Variants in HS6ST3 observed in about 807,000 individuals in gnomAD.
The protein encoded by HS6ST3 is heparan-sulfate 6-O-sulfotransferase 3.
Under a neutral mutation model 36.7 loss-of-function variants are expected in HS6ST3, and 12 were observed. The ratio of observed to expected loss-of-function variants is 0.33; its 90% CI spans 0.21 to 0.53. HS6ST3 has a LOEUF of 0.53. Among genes scored for constraint, HS6ST3 ranks in the 20% least tolerant of loss-of-function variants. The pLI, the probability that HS6ST3 is intolerant of heterozygous loss-of-function variation, is 0.95. For missense variants in HS6ST3, 584 were observed against 640.9 expected (o/e 0.91, Z 0.96); for synonymous variants, 240 against 257.5 (o/e 0.93, Z 0.65).
chr13:96,123,096 G>C (rs2053934120), intron 1 of HS6ST3, among the ~76,000 whole-genome samples: 1 of 151,996 alleles, frequency 6.6e-6, no homozygotes, highest in Non-Finnish European at 1.5e-5. Context: ...CATCTATTCT[G>C]TCTTCAACAT....
At chr13:96,524,279 A>G (rs899374154) in intron 1 of HS6ST3, among the ~76,000 whole-genome samples, 7 of 151,944 alleles carry the variant, frequency 4.6e-5, no homozygotes, top group Admixed American at 6.6e-5. Context: ...GTTGGCCCCA[A>G]CTGGGAGATG....
intron 1 of HS6ST3, among the ~76,000 whole-genome samples, chr13:96,813,870 C>G (rs1251316745): frequency 1.3e-5 from 2 of 152,234 alleles, no homozygotes; most frequent in Non-Finnish European, 2.9e-5. Flanking sequence ...TCTTACATTT[C>G]TAGTCCTTAA....
intron 1 of HS6ST3, among the ~76,000 whole-genome samples, chr13:96,633,295 G>T (rs2056538231): frequency 6.6e-6 from 1 of 152,164 alleles, no homozygotes; most frequent in Non-Finnish European, 1.5e-5. Context: ...GTCTCAGCTT[G>T]TTTCGGGAAC....
At chr13:96,430,463 C>T (rs530469355) in intron 1 of HS6ST3, among the ~76,000 whole-genome samples, 46 of 152,162 alleles carry the variant, frequency 3.0e-4, no homozygotes, top group Admixed American at 7.9e-4. Context: ...CTGTCTGGCC[C>T]TCCATTCCGC....
In HS6ST3 at chr13:96,838,112, T is replaced by C. The variant is rs1420781750; in HGVS notation, c.*4914T>C. On this transcript the variant is annotated 3_prime_UTR_variant, in exon 2 of 2. Coordinates refer to ENST00000376705, the MANE Select transcript of HS6ST3 (RefSeq NM_153456.4). ...ATTTAGAGATGGGGGTTAGGGAGAG[T>C]AGGAGTAACTCTAGAGAAAATTGTG... 1 of 151,880 alleles carries C rather than the reference T, an allele frequency of 6.6e-6. No homozygotes were observed. Among genetic ancestry groups the C allele is most frequent in the Non-Finnish European group, 1.5e-5 (1 of 67,962 alleles). The allele number at this position is 151,880 out of a possible 1,614,324, so 9.4% of individuals were successfully genotyped here.
intron 1 of HS6ST3, among the ~76,000 whole-genome samples, chr13:96,609,116 CCCG>C (rs2056448853): frequency 6.6e-6 from 1 of 150,962 alleles, no homozygotes; most frequent in Non-Finnish European, 1.5e-5. Flanking sequence ...ACTATAGGCG[CCCG>C]CCACCACGCC....
chr13:96,289,729 A>G (rs2054820416), intron 1 of HS6ST3, among the ~76,000 whole-genome samples: 1 of 152,190 alleles, frequency 6.6e-6, no homozygotes, highest in South Asian at 2.1e-4. Context: ...AAAATATTTG[A>G]GTATGGCAGA....
At chr13:96,700,204 G>T (rs530871078) in intron 1 of HS6ST3, among the ~76,000 whole-genome samples, 1 of 152,250 alleles carries the variant, frequency 6.6e-6, no homozygotes, top group Non-Finnish European at 1.5e-5. Context: ...AGCTGGGGAG[G>T]CCCCACAATC....
intron 1 of HS6ST3, among the ~76,000 whole-genome samples, chr13:96,414,099 T>C (rs2055521398): frequency 6.6e-6 from 1 of 152,198 alleles, no homozygotes; most frequent in African/African-American, 2.4e-5. Flanking sequence ...TTGCTGACTT[T>C]GTTACAGTTC....
intron 1 of HS6ST3, among the ~76,000 whole-genome samples, chr13:96,688,383 T>C (rs1376435511): frequency 6.6e-6 from 1 of 151,928 alleles, no homozygotes; most frequent in Admixed American, 6.6e-5. Flanking sequence ...ATTTTGATAG[T>C]GGGATTTATG....
intron 1 of HS6ST3, among the ~76,000 whole-genome samples, chr13:96,507,966 G>A (rs2056033295): frequency 6.6e-6 from 1 of 152,028 alleles, no homozygotes; most frequent in Admixed American, 6.6e-5. Context: ...AGTGTCTAAG[G>A]TTAAAAATAA....
In HS6ST3 at chr13:96,298,057, A is replaced by G. The variant is rs547625873; in HGVS notation, c.707+206488A>G. 1.6e-4 allele frequency among the ~76,000 whole-genome samples: 24 copies of G among 152,314 alleles called. No homozygotes were observed. In the East Asian group the frequency reaches 4.6e-3, roughly 29 times the overall value. Reference sequence around the variant, plus strand: ...AAAAACCTGTTGTTTTGGCTCTTCCATGAATGAATTCTGGATTAGGATGGG... The same window carrying G: ...AAAAACCTGTTGTTTTGGCTCTTCCGTGAATGAATTCTGGATTAGGATGGG... On this transcript the variant is annotated intron_variant, in intron 1 of 1. Coordinates refer to ENST00000376705, the MANE Select transcript of HS6ST3 (RefSeq NM_153456.4).
chr13:96,123,587 AG>A (rs2053936734), intron 1 of HS6ST3, among the ~76,000 whole-genome samples: 1 of 152,150 alleles, frequency 6.6e-6, no homozygotes, highest in Non-Finnish European at 1.5e-5. Context: ...TGTCACTCTT[AG>A]AGAGCAACAC....
At chr13:96,196,449 T>C (rs1331252528) in intron 1 of HS6ST3, among the ~76,000 whole-genome samples, 1 of 152,180 alleles carries the variant, frequency 6.6e-6, no homozygotes, top group Non-Finnish European at 1.5e-5. Flanking sequence ...GGAAAGGTAC[T>C]GTGTTGACAG....
chr13:96,258,184 T>C (rs1469270289), intron 1 of HS6ST3, among the ~76,000 whole-genome samples: 3 of 152,190 alleles, frequency 2.0e-5, no homozygotes, highest in African/African-American at 7.2e-5. Context: ...ATGTCTATTG[T>C]TGAGTCCTTT....
chr13:96,816,647 G>T (rs527586428), intron 1 of HS6ST3, among the ~76,000 whole-genome samples: 75 of 152,290 alleles, frequency 4.9e-4, no homozygotes, highest in Middle Eastern at 3.4e-3. Flanking sequence ...AGCTGTCCAG[G>T]GGAAAGGTAT....
intron 1 of HS6ST3, among the ~76,000 whole-genome samples, chr13:96,644,972 G>C (rs2056583538): frequency 1.3e-5 from 2 of 151,932 alleles, no homozygotes; most frequent in Non-Finnish European, 2.9e-5. Context: ...AAGTAGATCA[G>C]TCTTTTACTA....
intron 1 of HS6ST3, among the ~76,000 whole-genome samples, chr13:96,187,033 G>C (rs1229947007): frequency 1.3e-5 from 2 of 152,168 alleles, no homozygotes; most frequent in Non-Finnish European, 2.9e-5. Context: ...ATTTACTGGG[G>C]GCCCAGGCTT....
chr13:96,199,835 G>T (rs1274529344), intron 1 of HS6ST3, among the ~76,000 whole-genome samples: 1 of 151,974 alleles, frequency 6.6e-6, no homozygotes, highest in African/African-American at 2.4e-5. Flanking sequence ...GTCAAAGGAT[G>T]TGCAGATTCT....
Sources: gnomAD v4.1 joint callset for allele counts (sites outside exome capture counted in the v4.1 genomes callset) on GRCh38, gnomAD v4.1.1 for gene constraint, MANE v1.5 for transcripts, NCBI Gene and HGNC (gene_info 2026-07-23, HGNC 2026-07-21) for gene names.